Variants in PCDHGA2 observed in about 807,000 individuals in gnomAD.
The protein encoded by PCDHGA2 is protocadherin gamma subfamily A, 2.
A neutral mutation model predicts 59.2 loss-of-function variants in PCDHGA2; 40 were observed. The ratio of observed to expected loss-of-function variants is 0.68; its 90% confidence interval spans 0.52 to 0.88. The LOEUF (loss-of-function observed/expected upper bound fraction) is 0.88. Ranked by LOEUF, PCDHGA2 falls within the 40% of genes least tolerant of loss-of-function variation. The pLI is 0.00. For synonymous variants in PCDHGA2, 560 were observed against 526.0 expected (o/e 1.06, Z -0.89); for missense variants, 1,226 against 1,204.0 (o/e 1.02, Z -0.27).
At chr5:141,341,509 A>C in intron 1 of PCDHGA2, 114 bp downstream of exon 1, 1 of 1,538,166 alleles carries the variant, frequency 6.5e-7, no homozygotes, top group Non-Finnish European at 8.7e-7. Context: ...GTCAAGTTTT[A>C]GGAAGTGAGT....
chr5:141,485,944 G>C lies in PCDHGA2; in HGVS notation c.2425-8863G>C, dbSNP rs2099621875. 1 of 1,613,998 alleles carries C rather than the reference G, an allele frequency of 6.2e-7. No homozygotes were observed. Reference sequence around the variant, plus strand: ...TTAGTGTGTTGGAGAGCGCACCAGCGGGCATGGTGCTCATCCAGCTCAATG... The same window carrying C: ...TTAGTGTGTTGGAGAGCGCACCAGCCGGCATGGTGCTCATCCAGCTCAATG... On this transcript the variant is annotated intron_variant, in intron 1 of 3. Transcript: ENST00000394576. This position sits in a 1 kb window ranked among gnomAD's most constrained non-coding sequence, Gnocchi z 5.7.
rs749415234 is a variant in PCDHGA2 at position 141,419,462 on chromosome 5, C to G, written c.2425-75345C>G. 9 of 1,612,582 alleles carry G rather than the reference C, an allele frequency of 5.6e-6. 1 individual carries two copies. The highest frequency in any genetic ancestry group is 1.7e-5 in the Admixed American group (1 of 59,984). On this transcript the variant is annotated intron_variant, in intron 1 of 3. Transcript: ENST00000394576. ...CACCTTCGAGCTCACGCTGCAGGCC[C>G]GCGACCAGGGCTCGCCCGCGCTCAG... is the stretch of plus-strand genomic sequence containing the variant.
At chr5:141,483,648 T>TTGTGTG (rs111458813) in intron 1 of PCDHGA2, among the ~76,000 whole-genome samples, 20,229 of 149,628 alleles carry the variant, frequency 0.14, 2,147 homozygotes, top group African/African-American at 0.31. Context: ...GGGTGTGTGT[T>TTGTGTG]TGTGTGTGTG....
chr5:141,424,134 A>G (rs1255504512), intron 1 of PCDHGA2: 7 of 444,220 alleles, frequency 1.6e-5, no homozygotes, highest in Non-Finnish European at 2.2e-5. Context: ...TTGATTTAAT[A>G]GCATGCTCCC....
At chr5:141,351,338 A>T in intron 1 of PCDHGA2, 2 of 1,613,576 alleles carry the variant, frequency 1.2e-6, no homozygotes, top group Non-Finnish European at 1.7e-6. Context: ...AGACCTTGGA[A>T]CTGTAATAGC....
chr5:141,344,470 C>T, intron 1 of PCDHGA2: 2 of 1,613,888 alleles, frequency 1.2e-6, no homozygotes, highest in Non-Finnish European at 1.7e-6. Context: ...GGTGAACTAA[C>T]GGTTCCTGGA....
chr5:141,455,577 C>T (rs1000865176), intron 1 of PCDHGA2, among the ~76,000 whole-genome samples: 3 of 152,120 alleles, frequency 2.0e-5, no homozygotes, highest in East Asian at 1.9e-4. Context: ...CCCACCCCAG[C>T]CTTTTAATAT....
intron 1 of PCDHGA2, chr5:141,417,615 A>G (rs908930043): frequency 3.2e-6 from 2 of 629,140 alleles, no homozygotes; most frequent in Non-Finnish European, 5.1e-6. Flanking sequence ...CGGCCAGTGC[A>G]GAGCAAGCGC....
rs748223478 is a variant in PCDHGA2 at position 141,415,687 on chromosome 5, G to T, written c.2424+74292G>T. ...TTACTTTGAAGTTTGCGGCATGATG[G>T]TGGAAAGTGTAAATGCTAAAACACT... On this transcript the variant is annotated intron_variant, in intron 1 of 3. Coordinates refer to ENST00000394576, the MANE Select transcript of PCDHGA2 (RefSeq NM_018915.4). 1.1e-5 allele frequency: 17 copies of T among 1,535,300 alleles called. No individual in the cohort carries two copies. In the South Asian group the frequency reaches 1.3e-4, roughly 12 times the overall value.
At chr5:141,456,687 A>G (rs1053490307) in intron 1 of PCDHGA2, among the ~76,000 whole-genome samples, 1 of 152,156 alleles carries the variant, frequency 6.6e-6, no homozygotes. Context: ...ATTACTGGCC[A>G]GGCGTGGTGG....
Position 141,418,943 on chromosome 5 carries a change from C to T in PCDHGA2, c.2425-75864C>T, listed in dbSNP as rs751344893. On this transcript the variant is annotated intron_variant, in intron 1 of 3. Coordinates refer to ENST00000394576, the MANE Select transcript of PCDHGA2 (RefSeq NM_018915.4). ...TGATCAGATTATGGAGGATTCCCCT[C>T]CAGGAGTGGTTGTTGCCCTCTTCAA... The T allele has an allele frequency of 3.1e-6, 5 of 1,613,914 alleles. No homozygotes were observed. The African/African-American group carries it at 6.7e-5, about 22-fold the overall frequency.
chr5:141,393,794 T>C, intron 1 of PCDHGA2: 1 of 1,613,934 alleles, frequency 6.2e-7, no homozygotes, highest in South Asian at 1.1e-5. Flanking sequence ...TGGGGGCACT[T>C]CTGGGGAGGA....
intron 2 of PCDHGA2, among the ~76,000 whole-genome samples, chr5:141,500,333 A>G (rs1237684682): frequency 6.6e-6 from 1 of 151,336 alleles, no homozygotes; most frequent in Non-Finnish European, 1.5e-5. Context: ...CTCAGCCTCC[A>G]GAATAGCTGG....
rs769187557 is a variant in PCDHGA2, at chr5:141,433,087, A to C, written c.2425-61720A>C. 2.5e-6 allele frequency: 4 copies of C among 1,614,206 alleles called. No homozygotes were observed. In the Admixed American group the frequency reaches 6.7e-5, roughly 27 times the overall value. On this transcript the variant is annotated intron_variant, in intron 1 of 3. Transcript: ENST00000394576. The stretch of plus-strand genomic sequence containing the variant: ...TGATCTTCCCCCAGCCCAACTATGC[A>C]GACATGCTCGTCAGCCAGGAGAGCT...
chr5:141,354,043 A>G (rs1759453619), intron 1 of PCDHGA2, among the ~76,000 whole-genome samples: 1 of 152,250 alleles, frequency 6.6e-6, no homozygotes, highest in South Asian at 2.1e-4. Context: ...GCGATGGCAC[A>G]TGCAATGATA....
At chr5:141,394,782 A>T (rs779984453) in intron 1 of PCDHGA2, 1 of 1,613,558 alleles carries the variant, frequency 6.2e-7, no homozygotes. Flanking sequence ...TCTCTCCGCC[A>T]CTGTCACGCT....
intron 1 of PCDHGA2, chr5:141,424,482 T>C (rs779975685): frequency 1.3e-5 from 2 of 152,216 alleles, no homozygotes; most frequent in Non-Finnish European, 2.9e-5. Context: ...TACTTTGGTG[T>C]CTGTGTTTGT....
At chr5:141,394,667 G>T in intron 1 of PCDHGA2, 2 of 1,613,252 alleles carry the variant, frequency 1.2e-6, no homozygotes, top group East Asian at 2.2e-5. Flanking sequence ...GACTCTTCTC[G>T]GTGGGTCTGC....
intron 1 of PCDHGA2, chr5:141,390,614 G>C (rs184586504): frequency 4.8e-5 from 14 of 289,200 alleles, no homozygotes; most frequent in Admixed American, 2.4e-4. Context: ...TTTCCTTCTT[G>C]TTGACTAATA....
Sources: gnomAD v4.1 joint callset for allele counts (sites outside exome capture counted in the v4.1 genomes callset) on GRCh38, gnomAD v4.1.1 for gene constraint, Gnocchi (gnomAD v3.1) non-coding constraint, MANE v1.5 for transcripts, NCBI Gene and HGNC (gene_info 2026-07-23, HGNC 2026-07-21) for gene names.